Variants in KIF1B observed in about 807,000 individuals in gnomAD.
The protein encoded by KIF1B is kinesin-like protein KIF1B.
In KIF1B, 76 loss-of-function variants were observed where a neutral mutation model predicts 241.9. That is an observed-to-expected ratio of 0.31 (90% CI 0.26 to 0.38). KIF1B has a LOEUF of 0.38. Ranked by LOEUF, KIF1B falls within the 10% of genes least tolerant of loss-of-function variation. The pLI is 1.00. For missense variants in KIF1B, 1,622 were observed against 2,271.4 expected (o/e 0.71, Z 5.81); for synonymous variants, 750 against 796.7 (o/e 0.94, Z 0.99).
At chr1:10,277,911 G>C (rs893426732) in intron 12 of KIF1B, 75 bp from the exon 13 acceptor site, 2 of 1,292,726 alleles carry the variant, frequency 1.5e-6, no homozygotes, top group Non-Finnish European at 2.2e-6. Context: ...ATTTGATTTA[G>C]AGATAATAGT....
chr1:10,276,485 T>A (rs1649115313), intron 12 of KIF1B, 86 bp downstream of exon 12: 3 of 867,682 alleles, frequency 3.5e-6, no homozygotes, highest in Non-Finnish European at 5.8e-6. Context: ...TTATGCTATC[T>A]GGGTAGTTAT....
rs760448772 is a variant in KIF1B at position 10,261,893 on chromosome 1, C to T, written c.364-12C>T. 1.9e-6 allele frequency: 3 copies of T among 1,584,420 alleles called. No homozygotes were observed. In the South Asian group the frequency reaches 3.3e-5, roughly 18 times the overall value. ...TTGTGCTCTTCATGCCTCTCTCATT[C>T]TACTTCCCTAGTTATGTGAAGAACT... On this transcript the variant is annotated splice_polypyrimidine_tract_variant and intron_variant, in intron 4 of 48. Coordinates refer to ENST00000676179, the MANE Select transcript of KIF1B (RefSeq NM_001365951.3).
chr1:10,217,221 G>A (rs924575793), intron 1 of KIF1B, among the ~76,000 whole-genome samples: 13 of 151,492 alleles, frequency 8.6e-5, no homozygotes, highest in East Asian at 5.8e-4. Flanking sequence ...TGATCCGCCC[G>A]CCTCTGCCTT....
At chr1:10,247,735 T>C (rs539041834) in intron 2 of KIF1B, among the ~76,000 whole-genome samples, 52 of 152,176 alleles carry the variant, frequency 3.4e-4, no homozygotes, top group South Asian at 1.2e-3. Flanking sequence ...TAGGGTAATG[T>C]TGGATACTTA....
chr1:10,240,001 C>T (rs1205588981), intron 2 of KIF1B, among the ~76,000 whole-genome samples: 3 of 152,016 alleles, frequency 2.0e-5, no homozygotes, highest in Admixed American at 6.6e-5. Flanking sequence ...CTCCTGACCT[C>T]GTGATCAGCC....
intron 2 of KIF1B, among the ~76,000 whole-genome samples, chr1:10,251,105 G>C (rs1178388145): frequency 1.3e-5 from 2 of 152,124 alleles, no homozygotes; most frequent in Non-Finnish European, 2.9e-5. Flanking sequence ...GACAGCGGTT[G>C]CAGTGAGCCG....
intron 4 of KIF1B, among the ~76,000 whole-genome samples, chr1:10,259,477 GC>G (rs1201720486): frequency 1.4e-5 from 2 of 146,964 alleles, no homozygotes; most frequent in Non-Finnish European, 3.0e-5. Flanking sequence ...ACCACACCTA[GC>G]TCATTTTTAA....
chr1:10,358,107 A>G (rs575421186), intron 38 of KIF1B, among the ~76,000 whole-genome samples: 1 of 151,266 alleles, frequency 6.6e-6, no homozygotes, highest in Non-Finnish European at 1.5e-5. Context: ...CAAAGCAAAA[A>G]AAAAAAAAAA....
chr1:10,236,528 G>A (rs913323492), intron 2 of KIF1B, among the ~76,000 whole-genome samples: 1 of 152,142 alleles, frequency 6.6e-6, no homozygotes, highest in Non-Finnish European at 1.5e-5. Flanking sequence ...GCAAAAATGC[G>A]GGTTAGTTTT....
chr1:10,335,869 C>T (rs887946461), intron 28 of KIF1B, among the ~76,000 whole-genome samples: 1 of 151,986 alleles, frequency 6.6e-6, no homozygotes, highest in Non-Finnish European at 1.5e-5. Context: ...TGGTATTTTC[C>T]ATTTTTCCAT....
intron 2 of KIF1B, among the ~76,000 whole-genome samples, chr1:10,242,801 C>T (rs1475530190): frequency 1.3e-5 from 2 of 152,154 alleles, no homozygotes; most frequent in African/African-American, 4.8e-5. Context: ...AGGCGTGAAC[C>T]ACTGCGCCTG....
chr1:10,354,311 T>C (rs918843519), intron 38 of KIF1B, among the ~76,000 whole-genome samples: 1 of 152,228 alleles, frequency 6.6e-6, no homozygotes, highest in Non-Finnish European at 1.5e-5. Flanking sequence ...TCTTTAATTA[T>C]AAGATCATTT....
At chr1:10,373,006 C>T (rs944706585) in intron 45 of KIF1B, among the ~76,000 whole-genome samples, 1 of 150,064 alleles carries the variant, frequency 6.7e-6, no homozygotes, top group Non-Finnish European at 1.5e-5. Flanking sequence ...TAGTAGAGAT[C>T]GGGTTTCACC....
chr1:10,282,828 T>TTTTGTTA (rs1649479381), intron 15 of KIF1B, among the ~76,000 whole-genome samples: 1 of 152,190 alleles, frequency 6.6e-6, no homozygotes, highest in Non-Finnish European at 1.5e-5. Context: ...CAAGTTACAG[T>TTTTGTTA]GTAATTGTTT....
At chr1:10,346,221 C>G (rs1326081841) in intron 35 of KIF1B, among the ~76,000 whole-genome samples, 1 of 151,894 alleles carries the variant, frequency 6.6e-6, no homozygotes, top group Non-Finnish European at 1.5e-5. Flanking sequence ...TGGCCGAATT[C>G]CAGTTTTGAA....
intron 2 of KIF1B, among the ~76,000 whole-genome samples, chr1:10,246,619 C>T (rs1435076807): frequency 6.6e-6 from 1 of 152,158 alleles, no homozygotes; most frequent in Non-Finnish European, 1.5e-5. Flanking sequence ...TGGTGCACGC[C>T]CATAGTCCCA....
chr1:10,254,009 G>T (rs1217373614), intron 2 of KIF1B, among the ~76,000 whole-genome samples: 1 of 152,224 alleles, frequency 6.6e-6, no homozygotes, highest in Non-Finnish European at 1.5e-5. Context: ...CTCACTGATA[G>T]CCTGGGATGT....
intron 22 of KIF1B, chr1:10,304,753 A>G: frequency 1.3e-6 from 2 of 1,543,870 alleles, no homozygotes; most frequent in Non-Finnish European, 1.7e-6. Context: ...TATTTACATT[A>G]TAAATATTAA....
intron 26 of KIF1B, among the ~76,000 whole-genome samples, chr1:10,325,893 T>G (rs1407611021): frequency 6.6e-6 from 1 of 152,232 alleles, no homozygotes; most frequent in African/African-American, 2.4e-5. Context: ...GCTTTTCTTA[T>G]TCTAAGGATT....
Sources: allele counts gnomAD v4.1 joint callset (sites outside exome capture counted in the v4.1 genomes callset), GRCh38; gene constraint gnomAD v4.1.1; transcripts MANE v1.5; gene names NCBI Gene and HGNC (gene_info 2026-07-23, HGNC 2026-07-21).